The following SS18 variants were observed in gnomAD, a reference collection of about 807,000 sequenced individuals.
SS18 encodes SS18 subunit of BAF chromatin remodeling complex.
In SS18, 28 loss-of-function variants were observed where a neutral mutation model predicts 72.5. The ratio of observed to expected loss-of-function variants is 0.39; its 90% CI spans 0.29 to 0.53. The LOEUF (loss-of-function observed/expected upper bound fraction) is 0.53, where lower values mean the gene tolerates loss of function less well. SS18 is among the 20% of genes least tolerant of loss of function. SS18 has a pLI of 0.76. For missense variants in SS18, 518 were observed against 535.3 expected, an observed-to-expected ratio of 0.97 and a Z score of 0.32; for synonymous variants, 172 against 164.2, an observed-to-expected ratio of 1.05 and a Z score of -0.37.
At chr18:26,083,193 T>C (rs1482695027) in intron 2 of SS18, among the ~76,000 whole-genome samples, 1 of 152,170 alleles carries the variant, frequency 6.6e-6, no homozygotes, top group Non-Finnish European at 1.5e-5. Flanking sequence ...TTTGCTTAAA[T>C]TGTTCACCAA....
intron 7 of SS18, among the ~76,000 whole-genome samples, chr18:26,037,953 A>G (rs1424478601): frequency 1.3e-5 from 2 of 152,248 alleles, no homozygotes; most frequent in South Asian, 2.1e-4. Flanking sequence ...AAAAAACAAA[A>G]AACAAAAAAC....
At chr18:26,060,269 G>A in intron 3 of SS18, among the ~76,000 whole-genome samples, 1 of 152,142 alleles carries the variant, frequency 6.6e-6, no homozygotes, top group East Asian at 1.9e-4. Context: ...AAAACATTAT[G>A]CCAAGTGAAA....
intron 3 of SS18, among the ~76,000 whole-genome samples, chr18:26,061,095 C>T (rs1479863188): frequency 2.0e-5 from 3 of 152,288 alleles, no homozygotes; most frequent in Non-Finnish European, 2.9e-5. Flanking sequence ...AGGTGGATCA[C>T]GAGGTCAGGA....
intron 2 of SS18, among the ~76,000 whole-genome samples, chr18:26,083,701 T>C (rs1422530081): frequency 2.0e-5 from 3 of 152,142 alleles, no homozygotes; most frequent in Non-Finnish European, 4.4e-5. Context: ...ACAAATATGG[T>C]ATTATAATCT....
chr18:26,023,458 A>G (rs932457699), intron 10 of SS18, among the ~76,000 whole-genome samples: 1 of 152,144 alleles, frequency 6.6e-6, no homozygotes, highest in Non-Finnish European at 1.5e-5. Flanking sequence ...AATTTCTTCA[A>G]TCAAACAATT....
At chr18:26,065,738 T>C (rs1010140870) in intron 3 of SS18, among the ~76,000 whole-genome samples, 2 of 136,884 alleles carry the variant, frequency 1.5e-5, no homozygotes, top group African/African-American at 5.2e-5. Flanking sequence ...GGAGAAGATA[T>C]CTGCAATATA....
At chr18:26,042,718 G>T (rs994576131) in intron 5 of SS18, among the ~76,000 whole-genome samples, 10 of 151,708 alleles carry the variant, frequency 6.6e-5, no homozygotes, top group Non-Finnish European at 8.8e-5. Context: ...CAACACCCCA[G>T]GCTAGGAGCC....
At chr18:26,024,356 G>A (rs2143790089) in intron 10 of SS18, among the ~76,000 whole-genome samples, 1 of 152,278 alleles carries the variant, frequency 6.6e-6, no homozygotes, top group East Asian at 1.9e-4. Context: ...CAGGATATTA[G>A]CTCTGTCACT....
chr18:26,052,138 T>C (rs374278653), intron 5 of SS18, among the ~76,000 whole-genome samples: 5 of 152,192 alleles, frequency 3.3e-5, no homozygotes, highest in Non-Finnish European at 7.4e-5. Flanking sequence ...TAAACTTTAA[T>C]GGACTTACAC....
intron 5 of SS18, among the ~76,000 whole-genome samples, chr18:26,045,429 C>A (rs1404568596): frequency 6.6e-6 from 1 of 152,162 alleles, no homozygotes; most frequent in African/African-American, 2.4e-5. Context: ...CAAGTATGCT[C>A]CAGTGCATAC....
chr18:26,073,343 TAGAA>T (rs2054350397), intron 3 of SS18, among the ~76,000 whole-genome samples: 1 of 152,150 alleles, frequency 6.6e-6, no homozygotes, highest in Non-Finnish European at 1.5e-5. Context: ...AATGCATCCT[TAGAA>T]AGGTGAAAAT....
At chr18:26,024,162 A>C (rs2143788769) in intron 10 of SS18, among the ~76,000 whole-genome samples, 1 of 152,374 alleles carries the variant, frequency 6.6e-6, no homozygotes, top group East Asian at 1.9e-4. Context: ...GATAGAAAGT[A>C]AACTACTGTT....
intron 3 of SS18, among the ~76,000 whole-genome samples, chr18:26,062,576 C>T (rs994843465): frequency 6.6e-6 from 1 of 152,010 alleles, no homozygotes; most frequent in African/African-American, 2.4e-5. Context: ...GTAAATGGAC[C>T]CATCATTCCA....
At chr18:26,036,619 C>T (rs750129744) in intron 7 of SS18, among the ~76,000 whole-genome samples, 2 of 149,482 alleles carry the variant, frequency 1.3e-5, no homozygotes, top group African/African-American at 5.1e-5. Flanking sequence ...GTGAAAAATA[C>T]TCTCACTCTT....
intron 1 of SS18, 60 bp downstream of exon 1, chr18:26,090,441 C>G (rs1391365940): frequency 9.2e-6 from 14 of 1,520,146 alleles, no homozygotes; most frequent in Non-Finnish European, 1.2e-5. Context: ...CCCTTCCCCC[C>G]GCGTCTGTCT....
intron 3 of SS18, among the ~76,000 whole-genome samples, chr18:26,062,856 C>T (rs1021014741): frequency 1.3e-5 from 2 of 152,118 alleles, no homozygotes; most frequent in Non-Finnish European, 2.9e-5. Context: ...TCTCACAACA[C>T]TGCTTCAAAA....
chr18:26,080,510 T>A, intron 2 of SS18: 1 of 287,268 alleles, frequency 3.5e-6, no homozygotes, highest in Non-Finnish European at 5.2e-6. Flanking sequence ...GCCACACTCT[T>A]AAGGTCTCAT....
intron 10 of SS18, among the ~76,000 whole-genome samples, chr18:26,021,116 T>C (rs1460724785): frequency 6.6e-6 from 1 of 152,166 alleles, no homozygotes; most frequent in East Asian, 1.9e-4. Context: ...ACCACAATCA[T>C]GCCTAAAAAG....
At chr18:26,041,136 TC>T in intron 5 of SS18, among the ~76,000 whole-genome samples, 1 of 152,290 alleles carries the variant, frequency 6.6e-6, no homozygotes, top group Non-Finnish European at 1.5e-5. Context: ...TATAACAAAT[TC>T]GTAAGCCAGG....
Sources: gnomAD v4.1 joint callset for allele counts (sites outside exome capture counted in the v4.1 genomes callset) on GRCh38, gnomAD v4.1.1 for gene constraint, MANE v1.5 for transcripts, NCBI Gene and HGNC (gene_info 2026-07-23, HGNC 2026-07-21) for gene names.